The following EPHA3 variants were observed in gnomAD, a reference collection of about 807,000 sequenced individuals.
The protein encoded by EPHA3 is ephrin type-A receptor 3.
In EPHA3, 42 loss-of-function variants were observed where a neutral mutation model predicts 107.1. The ratio of observed to expected loss-of-function variants is 0.39; its 90% CI spans 0.31 to 0.51. The LOEUF (loss-of-function observed/expected upper bound fraction) is 0.51, where lower values mean the gene tolerates loss of function less well. EPHA3 is among the 20% of genes least tolerant of loss of function. The pLI, the probability that EPHA3 is intolerant of heterozygous loss-of-function variation, is 0.78. For missense variants in EPHA3, 1,183 were observed against 1,211.2 expected, an observed-to-expected ratio of 0.98 and a Z score of 0.35; for synonymous variants, 461 against 424.8, an observed-to-expected ratio of 1.09 and a Z score of -1.05.
intron 1 of EPHA3, among the ~76,000 whole-genome samples, chr3:89,122,032 G>T (rs1392182693): frequency 6.6e-6 from 1 of 152,184 alleles, no homozygotes; most frequent in Admixed American, 6.5e-5. Flanking sequence ...CACAGAGAAT[G>T]ATAACACTGA....
At chr3:89,316,142 T>A (rs1706894485) in intron 3 of EPHA3, among the ~76,000 whole-genome samples, 1 of 151,832 alleles carries the variant, frequency 6.6e-6, no homozygotes, top group African/African-American at 2.4e-5. Flanking sequence ...CAGTGCTGTT[T>A]CAAATACTAT....
intron 3 of EPHA3, among the ~76,000 whole-genome samples, chr3:89,330,731 G>T (rs1296030689): frequency 6.6e-6 from 1 of 152,076 alleles, no homozygotes; most frequent in Non-Finnish European, 1.5e-5. Context: ...ATTGCACATT[G>T]TATTTTGCAG....
chr3:89,450,507 C>G, intron 15 of EPHA3, 137 bp downstream of exon 15: 2 of 736,460 alleles, frequency 2.7e-6, no homozygotes, highest in Admixed American at 6.7e-5. Context: ...GATGTATTTC[C>G]CCTTTCTTTT....
chr3:89,163,919 A>T (rs1705003225), intron 2 of EPHA3, among the ~76,000 whole-genome samples: 1 of 152,186 alleles, frequency 6.6e-6, no homozygotes, highest in Non-Finnish European at 1.5e-5. Context: ...TAAGAGGCTG[A>T]TTAAGGAATG....
chr3:89,154,912 A>G lies in EPHA3; in HGVS notation c.153+27639A>G, dbSNP rs137985335. Reference sequence around the variant, plus strand: ...ATATATTATATAATTATAATTATATAATATTTATAATTATCATTGCTCCAC... The same window carrying G: ...ATATATTATATAATTATAATTATATGATATTTATAATTATCATTGCTCCAC... On this transcript the variant is annotated intron_variant, in intron 2 of 16. Transcript: ENST00000336596. 5.2e-3 allele frequency among the ~76,000 whole-genome samples: 774 copies of G among 148,098 alleles called. 8 individuals carry two copies. The highest frequency in any genetic ancestry group is 8.2e-3 in the Non-Finnish European group (548 of 67,140).
At chr3:89,226,429 T>G (rs1449993216) in intron 3 of EPHA3, among the ~76,000 whole-genome samples, 1 of 152,134 alleles carries the variant, frequency 6.6e-6, no homozygotes, top group Non-Finnish European at 1.5e-5. Flanking sequence ...CTAGAAAGTC[T>G]TTTTCCTAAA....
intron 6 of EPHA3, among the ~76,000 whole-genome samples, 200 bp downstream of exon 6, chr3:89,396,161 T>C (rs573489180): frequency 7.2e-5 from 11 of 152,302 alleles, no homozygotes; most frequent in Admixed American, 1.3e-4. Context: ...TCTACAGCAA[T>C]AAACAACATC....
intron 3 of EPHA3, among the ~76,000 whole-genome samples, chr3:89,246,053 C>T (rs1705024102): frequency 1.3e-5 from 2 of 151,990 alleles, no homozygotes; most frequent in African/African-American, 4.8e-5. Flanking sequence ...TATTGTATGA[C>T]TCTCTTACGC....
intron 3 of EPHA3, among the ~76,000 whole-genome samples, chr3:89,268,565 T>G (rs755889784): frequency 2.6e-5 from 4 of 152,144 alleles, no homozygotes; most frequent in Non-Finnish European, 4.4e-5. Context: ...ACCAACAATT[T>G]TATCATATAA....
At chr3:89,168,166 A>G (rs982988374) in intron 2 of EPHA3, among the ~76,000 whole-genome samples, 20 of 152,156 alleles carry the variant, frequency 1.3e-4, no homozygotes, top group African/African-American at 4.6e-4. Flanking sequence ...ATTATGCATA[A>G]TTATTCATAA....
chr3:89,198,038 A>G (rs11919574), intron 2 of EPHA3, among the ~76,000 whole-genome samples: 21,880 of 152,180 alleles, frequency 0.14, 1,719 homozygotes, highest in African/African-American at 0.22. Context: ...CCTTTTGTCA[A>G]TTATATTTAG....
intron 1 of EPHA3, 74 bp from the exon 2 acceptor site, chr3:89,127,135 A>G (rs1704112450): frequency 2.7e-6 from 3 of 1,129,528 alleles, no homozygotes; most frequent in Non-Finnish European, 4.0e-6. Context: ...ACAACAGACA[A>G]TGTGAACTCA....
At chr3:89,186,248 T>C (rs1197784848) in intron 2 of EPHA3, among the ~76,000 whole-genome samples, 1 of 152,074 alleles carries the variant, frequency 6.6e-6, no homozygotes, top group African/African-American at 2.4e-5. Context: ...CTTGATACTA[T>C]ATTGTAACTT....
chr3:89,222,520 T>A (rs1476175275), intron 3 of EPHA3, among the ~76,000 whole-genome samples: 1 of 149,536 alleles, frequency 6.7e-6, no homozygotes. Flanking sequence ...TATAAATATA[T>A]GTATGTATAG....
chr3:89,422,246 T>C (rs116626212), intron 11 of EPHA3, among the ~76,000 whole-genome samples: 1,461 of 145,842 alleles, frequency 0.01, 27 homozygotes, highest in African/African-American at 0.035. Flanking sequence ...GCGATTGTGT[T>C]TCCAAAAGAA....
intron 3 of EPHA3, among the ~76,000 whole-genome samples, chr3:89,225,311 A>G (rs1054463233): frequency 4.6e-5 from 7 of 152,168 alleles, no homozygotes; most frequent in African/African-American, 1.7e-4. Context: ...ATCCTCGGAA[A>G]ATACTCTTTA....
chr3:89,407,196 C>A, intron 7 of EPHA3, 73 bp from the exon 8 acceptor site: 2 of 1,016,806 alleles, frequency 2.0e-6, no homozygotes, highest in Non-Finnish European at 3.1e-6. Context: ...ATTAATGAAT[C>A]AATCAACTGT....
intron 3 of EPHA3, among the ~76,000 whole-genome samples, chr3:89,264,439 C>T (rs1705490153): frequency 6.6e-6 from 1 of 152,138 alleles, no homozygotes; most frequent in Non-Finnish European, 1.5e-5. Context: ...ACGTTCTCTT[C>T]CCCACCAACT....
intron 2 of EPHA3, among the ~76,000 whole-genome samples, chr3:89,203,329 A>AC (rs1706018021): frequency 1.0e-4 from 7 of 67,656 alleles, no homozygotes; most frequent in Non-Finnish European, 2.8e-4. Context: ...GGAATTAAAA[A>AC]AAAAACAAAA....
Sources: gnomAD v4.1 joint callset for allele counts (sites outside exome capture counted in the v4.1 genomes callset) on GRCh38, gnomAD v4.1.1 for gene constraint, MANE v1.5 for transcripts, NCBI Gene and HGNC (gene_info 2026-07-23, HGNC 2026-07-21) for gene names.